Variants in TARDBP observed in about 807,000 individuals in gnomAD.
The protein encoded by TARDBP is TAR DNA-binding protein 43.
TARDBP carries 4 observed loss-of-function variants against 38.3 expected under a neutral mutation model. That is an observed-to-expected ratio of 0.10 (90% confidence interval 0.05 to 0.24). The LOEUF (loss-of-function observed/expected upper bound fraction) is 0.24. Ranked by LOEUF, TARDBP falls within the 10% of genes least tolerant of loss-of-function variation. The pLI is 1.00. For missense variants in TARDBP, 202 were observed against 521.9 expected, an observed-to-expected ratio of 0.39 and a Z score of 5.97; for synonymous variants, 184 against 183.8, an observed-to-expected ratio of 1.00 and a Z score of -0.01.
chr1:11,019,621 C>T (rs767678602), intron 4 of TARDBP, among the ~76,000 whole-genome samples: 9 of 152,016 alleles, frequency 5.9e-5, no homozygotes, highest in Non-Finnish European at 8.8e-5. Context: ...GGCTGGAGTG[C>T]AGTGGTGCAA....
In TARDBP at chr1:11,022,129, G is replaced by A. The variant is rs765175133; in HGVS notation, c.720G>A (p.Ala240=). 32 of 1,613,766 alleles carry A rather than the reference G, an allele frequency of 2.0e-5. No individual in the cohort carries two copies. In the African/African-American group the frequency reaches 2.5e-4, roughly 13 times the overall value. ...ACATCCCTTATTTCTTATAGATTGC[G>A]CAGTCTCTTTGTGGAGAGGACTTGA... The part of the protein sequence containing the change: ...AFVTFADDQI[A]QSLCGEDLII... Residue 240 remains alanine, a synonymous_variant, in exon 6 of 6, where the codon GCG becomes GCA. Transcript: ENST00000240185. The surrounding 1 kb of genome is among the most constrained non-coding windows in gnomAD (Gnocchi z 4.5).
At chr1:11,030,113 C>G (rs951397507), downstream of TARDBP, 6 of 1,217,984 alleles carry the variant, frequency 4.9e-6, no homozygotes, top group African/African-American at 9.1e-5. Context: ...GCTCTCCTCA[C>G]TGTCTCCTAC....
At chr1:11,013,686 G>A in intron 1 of TARDBP, 30 bp from the exon 2 acceptor site, 1 of 1,514,332 alleles carries the variant, frequency 6.6e-7, no homozygotes, top group Non-Finnish European at 9.1e-7. Context: ...TGACATGAAT[G>A]TTGTTCATTC....
At chr1:11,025,965 C>T (rs567844960), downstream of TARDBP, 1 of 154,986 alleles carries the variant, frequency 6.5e-6, no homozygotes, top group Admixed American at 6.5e-5. Flanking sequence ...TTAGGCATCA[C>T]TGTGCCCAAG....
At position 11,024,213 on chromosome 1, in the gene TARDBP, C is replaced by T. The variant is rs1473274465; in HGVS notation, c.*1559C>T. 7.2e-5 allele frequency: 11 copies of T among 152,560 alleles called. No individual in the cohort carries two copies. The highest frequency in any genetic ancestry group is 3.9e-4 in the Admixed American group (6 of 15,264). 9.5% of individuals were successfully genotyped at this position (152,560 alleles called of 1,614,324 possible). ...CAAGTCAAATGGATTCATCACCTGT[C>T]ATGCATTGACACCTGATACCCAGAC... On this transcript the variant is annotated 3_prime_UTR_variant, in exon 6 of 6. Coordinates refer to ENST00000240185, the MANE Select transcript of TARDBP (RefSeq NM_007375.4).
chr1:11,027,023 A>G (rs767167770), downstream of TARDBP: 12 of 1,598,352 alleles, frequency 7.5e-6, no homozygotes, highest in South Asian at 7.9e-5. Flanking sequence ...CTGTTTCACT[A>G]TCTAGAAACA....
In TARDBP at chr1:11,023,059, A is replaced by AT. The variant is rs1643672085; in HGVS notation, c.*412dup. 6.9e-6 allele frequency: 10 copies of AT among 1,446,812 alleles called. No homozygotes were observed. In the Admixed American group the frequency reaches 1.9e-4, roughly 28 times the overall value. The allele number at this position is 1,446,812 out of a possible 1,614,324, so 89.6% of individuals were successfully genotyped here. On this transcript the variant is annotated 3_prime_UTR_variant, in exon 6 of 6. Transcript: ENST00000240185. Reference sequence around the variant, plus strand: ...TTTTAATTTGAACCCCACCATATGGATTTTTTTCCTTAAGAAAATCTCCTT... The same window carrying AT: ...TTTTAATTTGAACCCCACCATATGGATTTTTTTTCCTTAAGAAAATCTCCTT...
chr1:11,020,722 A>G (rs1302088450), intron 5 of TARDBP, 123 bp downstream of exon 5: 4 of 967,136 alleles, frequency 4.1e-6, no homozygotes, highest in Non-Finnish European at 6.5e-6. Flanking sequence ...CCTGGCCAAC[A>G]TGGTGAAACC....
At chr1:11,021,201 C>T (rs528129181) in intron 5 of TARDBP, among the ~76,000 whole-genome samples, 2 of 151,550 alleles carry the variant, frequency 1.3e-5, no homozygotes, top group Non-Finnish European at 1.5e-5. Context: ...TGTGATGGCG[C>T]GATCTTGGCT....
At chr1:11,021,295 C>A (rs191130635) in intron 5 of TARDBP, among the ~76,000 whole-genome samples, 2 of 152,212 alleles carry the variant, frequency 1.3e-5, no homozygotes, top group Admixed American at 6.5e-5. Flanking sequence ...CCTGCCACCA[C>A]GCCTGGCTGA....
At position 11,020,676 on chromosome 1, in the gene TARDBP, G is replaced by A; in HGVS notation, c.714+77G>A. 3 of 1,529,438 alleles carry A rather than the reference G, an allele frequency of 2.0e-6. No homozygotes were observed. The South Asian group carries it at 3.4e-5, about 17-fold the overall frequency. 94.7% of individuals were successfully genotyped at this position (1,529,438 alleles called of 1,614,324 possible). ...ACAATCCCAGCACTTTGGAGGCCGA[G>A]GCGGGTGGATCACGAGGTCAGGAGA... On this transcript the variant is annotated intron_variant, in intron 5 of 5. Transcript: ENST00000240185.
chr1:11,028,210 T>TC (rs1300896243), downstream of TARDBP, among the ~76,000 whole-genome samples: 3 of 151,236 alleles, frequency 2.0e-5, no homozygotes, highest in South Asian at 4.2e-4. Context: ...AGAGCAAAAC[T>TC]CCATCTCAAA....
At chr1:11,013,049 C>G (rs1014975333) in intron 1 of TARDBP, among the ~76,000 whole-genome samples, 15 of 152,350 alleles carry the variant, frequency 9.8e-5, no homozygotes, top group African/African-American at 1.7e-4. Flanking sequence ...CAGCTTGGGC[C>G]TGGTGCTCCT....
At position 11,023,586 on chromosome 1, in the gene TARDBP, T is replaced by A. The variant is rs1643680665; in HGVS notation, c.*932T>A. 1 of 371,878 alleles carries A rather than the reference T, an allele frequency of 2.7e-6. No individual in the cohort carries two copies. The allele number at this position is 371,878 out of a possible 1,614,324, so 23.0% of individuals were successfully genotyped here. ...CAATCCTGTGGCTTTGGTGAGAGAG[T>A]GTGCAGAGAGCAATGATAGCAAATA... is the stretch of plus-strand genomic sequence containing the variant. On this transcript the variant is annotated 3_prime_UTR_variant, in exon 6 of 6. Transcript: ENST00000240185.
At chr1:11,020,787 G>A (rs965345708) in intron 5 of TARDBP, among the ~76,000 whole-genome samples, 188 bp downstream of exon 5, 14 of 151,556 alleles carry the variant, frequency 9.2e-5, no homozygotes, top group East Asian at 3.9e-4. Context: ...GGTGGTGCAC[G>A]CCTGTGGTCC....
rs568183019 is a variant in TARDBP, at chr1:11,021,789, G to T, written c.715-335G>T. On this transcript the variant is annotated intron_variant, in intron 5 of 5. Transcript: ENST00000240185. ...ATGTGGCTTTTTTGTGGTTTTTTTT[G>T]ATAGAGGTGGGGTCTCCCTGTGTTG... Among the ~76,000 whole-genome samples, 575 of 151,740 alleles carry T rather than the reference G, an allele frequency of 3.8e-3. 4 individuals carry two copies. Among genetic ancestry groups the T allele is most frequent in the African/African-American group, 0.014 (563 of 41,330 alleles).
chr1:11,027,638 T>C, downstream of TARDBP: 2 of 1,604,388 alleles, frequency 1.2e-6, no homozygotes, highest in Non-Finnish European at 1.7e-6. Flanking sequence ...TGCGGGCTGA[T>C]AGTCCACAAA....
intron 1 of TARDBP, 44 bp from the exon 2 acceptor site, chr1:11,013,672 A>G: frequency 1.4e-6 from 2 of 1,465,378 alleles, no homozygotes. Flanking sequence ...GGAAACAGTT[A>G]TTCTGACATG....
rs1643690345 is a variant in TARDBP, at chr1:11,024,260, A to G, written c.*1606A>G. On this transcript the variant is annotated 3_prime_UTR_variant, in exon 6 of 6. Transcript: ENST00000240185. ...AGACTTAATTGGTATTTGTTCTTGC[A>G]TTGGCCAAAGTGAAAATTTTTTTTT... is the stretch of plus-strand genomic sequence containing the variant. The G allele has an allele frequency of 6.6e-6, 1 of 152,422 alleles. No homozygotes were observed. The highest frequency in any genetic ancestry group is 1.5e-5 in the Non-Finnish European group (1 of 67,996). 9.4% of individuals were successfully genotyped at this position (152,422 alleles called of 1,614,324 possible).
Sources: gnomAD v4.1 joint callset for allele counts (sites outside exome capture counted in the v4.1 genomes callset) on GRCh38, gnomAD v4.1.1 for gene constraint, Gnocchi (gnomAD v3.1) non-coding constraint, MANE v1.5 for transcripts, NCBI Gene and HGNC (gene_info 2026-07-23, HGNC 2026-07-21) for gene names.